The following PARD3B variants were observed in gnomAD, a reference collection of about 807,000 sequenced individuals.
PARD3B encodes partitioning defective 3 homolog B.
In PARD3B, 103 loss-of-function variants were observed where a neutral mutation model predicts 130.2. The ratio of observed to expected loss-of-function variants is 0.79; its 90% confidence interval spans 0.67 to 0.93. The LOEUF is 0.93. Among genes scored for constraint, PARD3B ranks in the 40% least tolerant of loss-of-function variants. The pLI is 0.00. For synonymous variants in PARD3B, 583 were observed against 553.2 expected (o/e 1.05, Z -0.76); for missense variants, 1,609 against 1,499.2 (o/e 1.07, Z -1.21).
intron 20 of PARD3B, among the ~76,000 whole-genome samples, chr2:205,474,910 A>G (rs995126797): frequency 2.0e-5 from 3 of 152,164 alleles, no homozygotes; most frequent in African/African-American, 7.2e-5. Context: ...GCATTTTTAT[A>G]GAAGCTCACG....
At chr2:205,368,422 CA>C (rs1411482261) in intron 18 of PARD3B, among the ~76,000 whole-genome samples, 3 of 152,104 alleles carry the variant, frequency 2.0e-5, no homozygotes, top group Admixed American at 2.0e-4. Flanking sequence ...CACTTGAGGC[CA>C]GGAGTTTAAG....
At chr2:204,557,688 A>G (rs540221759) in intron 1 of PARD3B, among the ~76,000 whole-genome samples, 12 of 152,338 alleles carry the variant, frequency 7.9e-5, no homozygotes, top group African/African-American at 2.9e-4. Flanking sequence ...TTTTAAATCT[A>G]AGTGCAACTT....
At chr2:205,079,962 A>G (rs890040846) in intron 4 of PARD3B, among the ~76,000 whole-genome samples, 1 of 152,164 alleles carries the variant, frequency 6.6e-6, no homozygotes, top group Non-Finnish European at 1.5e-5. Flanking sequence ...TTGGTGAGCT[A>G]TGGTATAGAA....
intron 6 of PARD3B, among the ~76,000 whole-genome samples, chr2:205,117,426 A>T (rs1309350223): frequency 3.9e-5 from 6 of 152,100 alleles, no homozygotes; most frequent in Admixed American, 1.3e-4. Context: ...TTGAAGTGAG[A>T]CCCAAATATC....
intron 21 of PARD3B, among the ~76,000 whole-genome samples, chr2:205,524,723 G>A (rs2051258307): frequency 1.3e-5 from 2 of 152,144 alleles, no homozygotes; most frequent in Admixed American, 6.6e-5. Context: ...AAAGCCCCAT[G>A]TTAATCTCAT....
chr2:205,399,624 G>C (rs1228476675), intron 18 of PARD3B, among the ~76,000 whole-genome samples: 1 of 152,096 alleles, frequency 6.6e-6, no homozygotes, highest in Non-Finnish European at 1.5e-5. Context: ...CAAAGTGCTG[G>C]GATTACAGGC....
At chr2:205,012,717 A>G (rs1349702373) in intron 3 of PARD3B, among the ~76,000 whole-genome samples, 2 of 152,134 alleles carry the variant, frequency 1.3e-5, no homozygotes, top group African/African-American at 4.8e-5. Flanking sequence ...TAACTTAACT[A>G]TTTCTGTATT....
intron 15 of PARD3B, among the ~76,000 whole-genome samples, chr2:205,199,802 C>G (rs1027030607): frequency 6.6e-6 from 1 of 152,022 alleles, no homozygotes; most frequent in African/African-American, 2.4e-5. Flanking sequence ...TCCCTGTGCA[C>G]TAAAAGGCTT....
intron 2 of PARD3B, among the ~76,000 whole-genome samples, chr2:204,739,644 A>G (rs2039909704): frequency 6.6e-6 from 1 of 151,864 alleles, no homozygotes; most frequent in Non-Finnish European, 1.5e-5. Flanking sequence ...ATTTTATTGT[A>G]ATGGATATAA....
chr2:204,586,487 C>G (rs1368204379), intron 1 of PARD3B, among the ~76,000 whole-genome samples: 4 of 152,180 alleles, frequency 2.6e-5, no homozygotes, highest in Non-Finnish European at 4.4e-5. Flanking sequence ...AGGCTACCAG[C>G]AAGGGAGTTG....
intron 1 of PARD3B, among the ~76,000 whole-genome samples, chr2:204,590,813 T>G (rs1420765909): frequency 6.6e-6 from 1 of 152,238 alleles, no homozygotes; most frequent in Non-Finnish European, 1.5e-5. Flanking sequence ...GACCTTCACT[T>G]TTTAGGACTG....
At chr2:204,844,043 G>A (rs1380626584) in intron 2 of PARD3B, among the ~76,000 whole-genome samples, 1 of 152,104 alleles carries the variant, frequency 6.6e-6, no homozygotes, top group African/African-American at 2.4e-5. Context: ...AAATTAACAG[G>A]AGAGAGAAAC....
At chr2:204,615,676 T>C (rs764605184) in intron 1 of PARD3B, among the ~76,000 whole-genome samples, 1 of 152,188 alleles carries the variant, frequency 6.6e-6, no homozygotes, top group Non-Finnish European at 1.5e-5. Context: ...TTAGACAGCG[T>C]CTGCCAAATA....
chr2:204,931,947 TTTAA>T (rs1210860036), intron 2 of PARD3B, among the ~76,000 whole-genome samples: 1 of 152,112 alleles, frequency 6.6e-6, no homozygotes, highest in Non-Finnish European at 1.5e-5. Flanking sequence ...ATGAGCAGTA[TTTAA>T]TTACACAGCT....
intron 3 of PARD3B, among the ~76,000 whole-genome samples, chr2:204,976,603 ATTTT>A (rs35902126): frequency 6.0e-5 from 5 of 83,214 alleles, no homozygotes; most frequent in East Asian, 3.8e-4. Context: ...TAGGTAATTG[ATTTT>A]TTTTTTTTTT....
chr2:205,406,306 G>C (rs897584173), intron 19 of PARD3B, among the ~76,000 whole-genome samples: 1 of 151,880 alleles, frequency 6.6e-6, no homozygotes, highest in Non-Finnish European at 1.5e-5. Flanking sequence ...TTATGTATTT[G>C]TCTCTTGAAG....
At chr2:204,573,332 T>C (rs1324267559) in intron 1 of PARD3B, among the ~76,000 whole-genome samples, 1 of 152,214 alleles carries the variant, frequency 6.6e-6, no homozygotes, top group Non-Finnish European at 1.5e-5. Context: ...GATGATAATA[T>C]GTAAAATTCA....
chr2:204,714,062 T>G (rs1279175437), intron 2 of PARD3B, among the ~76,000 whole-genome samples: 1 of 152,202 alleles, frequency 6.6e-6, no homozygotes, highest in Non-Finnish European at 1.5e-5. Context: ...CTTCTGTATA[T>G]CTGTTAAAAT....
rs1269888567 is a variant in PARD3B at position 205,128,149 on chromosome 2, A to C, written c.1434+2412A>C. ...TAAGTTTTGACTGTGTATTCCATTG[A>C]ACTGTGGTCCTGGAAGAAATAAAAC... On this transcript the variant is annotated intron_variant, in intron 10 of 22. Coordinates refer to ENST00000406610, the MANE Select transcript of PARD3B (RefSeq NM_001302769.2). This position sits in a 1 kb window ranked among gnomAD's most constrained non-coding sequence, Gnocchi z 4.5. Among the ~76,000 whole-genome samples the C allele has an allele frequency of 3.3e-5, 5 of 152,240 alleles. No homozygotes were observed. Among genetic ancestry groups the C allele is most frequent in the Admixed American group, 3.3e-4 (5 of 15,286 alleles).
Sources: allele counts gnomAD v4.1 joint callset (sites outside exome capture counted in the v4.1 genomes callset), GRCh38; gene constraint gnomAD v4.1.1; non-coding constraint Gnocchi (gnomAD v3.1); transcripts MANE v1.5; gene names NCBI Gene and HGNC (gene_info 2026-07-23, HGNC 2026-07-21).